ITGB6: variants seen among roughly 807,000 people sequenced by gnomAD.
ITGB6 encodes the protein integrin beta-6.
Under a neutral mutation model 84.5 loss-of-function variants are expected in ITGB6, and 80 were observed. That is an observed-to-expected ratio of 0.95 (90% CI 0.79 to 1.14). The LOEUF (loss-of-function observed/expected upper bound fraction) is 1.14. Ranked by LOEUF, ITGB6 falls within the 50% of genes most tolerant of loss-of-function variation. ITGB6 has a pLI of 0.00. For synonymous variants in ITGB6, 383 were observed against 354.9 expected (o/e 1.08, Z -0.89); for missense variants, 1,006 against 968.0 (o/e 1.04, Z -0.52).
At chr2:160,120,506 G>A (rs1682982968) in intron 12 of ITGB6, among the ~76,000 whole-genome samples, 1 of 39,594 alleles carries the variant, frequency 2.5e-5, no homozygotes, top group Non-Finnish European at 5.5e-5. Context: ...ATCACACTCT[G>A]GGGACTGTGG....
chr2:160,172,799 A>G, intron 5 of ITGB6, 69 bp from the exon 6 acceptor site: 2 of 1,222,058 alleles, frequency 1.6e-6, no homozygotes, highest in Non-Finnish European at 2.4e-6. Flanking sequence ...TGGATCAATT[A>G]TGCTTGGACA....
intron 11 of ITGB6, among the ~76,000 whole-genome samples, chr2:160,125,993 C>T (rs1369660143): frequency 6.6e-6 from 1 of 152,118 alleles, no homozygotes; most frequent in East Asian, 1.9e-4. Context: ...AAGAAAGAAG[C>T]TTGTCTGTTT....
intron 4 of ITGB6, among the ~76,000 whole-genome samples, chr2:160,187,153 C>CT (rs1417939552): frequency 6.6e-6 from 1 of 152,004 alleles, no homozygotes; most frequent in African/African-American, 2.4e-5. Flanking sequence ...CTTCTCAATA[C>CT]TTTAAGATTT....
intron 5 of ITGB6, 25 bp downstream of exon 5, chr2:160,173,949 T>G (rs997405603): frequency 1.3e-6 from 2 of 1,584,720 alleles, no homozygotes; most frequent in African/African-American, 2.7e-5. Context: ...GTTAACAGAG[T>G]GAAACAGCAC....
At chr2:160,171,645 C>T (rs954899499) in intron 6 of ITGB6, among the ~76,000 whole-genome samples, 1 of 152,186 alleles carries the variant, frequency 6.6e-6, no homozygotes, top group African/African-American at 2.4e-5. Flanking sequence ...CTATTTCATA[C>T]ATTAGTTGGC....
At chr2:160,191,611 G>T (rs953261942) in intron 4 of ITGB6, among the ~76,000 whole-genome samples, 7 of 152,158 alleles carry the variant, frequency 4.6e-5, no homozygotes, top group Non-Finnish European at 1.0e-4. Flanking sequence ...TCATGAACAT[G>T]ACTAGATTGT....
At chr2:160,172,108 C>T (rs551837091) in intron 6 of ITGB6, among the ~76,000 whole-genome samples, 147 of 152,196 alleles carry the variant, frequency 9.7e-4, no homozygotes, top group Non-Finnish European at 1.8e-3. Context: ...TTATAAATGA[C>T]AAAAAATAAG....
intron 7 of ITGB6, among the ~76,000 whole-genome samples, chr2:160,168,857 C>G (rs1685099342): frequency 6.6e-6 from 1 of 152,192 alleles, no homozygotes; most frequent in Non-Finnish European, 1.5e-5. Context: ...AAGATTTTCT[C>G]TGTTCTCTGT....
chr2:160,123,748 G>T, intron 12 of ITGB6, 43 bp downstream of exon 12: 1 of 1,478,542 alleles, frequency 6.8e-7, no homozygotes, highest in Non-Finnish European at 9.4e-7. Context: ...CGCCTCTCAA[G>T]AACTACATAA....
intron 10 of ITGB6, among the ~76,000 whole-genome samples, chr2:160,130,243 A>C (rs1683413469): frequency 6.6e-6 from 1 of 152,106 alleles, no homozygotes; most frequent in South Asian, 2.1e-4. Context: ...ATTATGGGAC[A>C]ACTGTTGTAT....
At chr2:160,108,270 T>C (rs1048444186) in intron 13 of ITGB6, among the ~76,000 whole-genome samples, 1 of 145,260 alleles carries the variant, frequency 6.9e-6, no homozygotes, top group Admixed American at 7.0e-5. Context: ...ATGTCATCAG[T>C]TTTTCATGGA....
intron 10 of ITGB6, among the ~76,000 whole-genome samples, chr2:160,132,762 C>A (rs187908854): frequency 9.7e-4 from 147 of 152,204 alleles, no homozygotes; most frequent in Middle Eastern, 3.4e-3. Flanking sequence ...TTACAATAGT[C>A]ATATACAATA....
intron 12 of ITGB6, among the ~76,000 whole-genome samples, chr2:160,120,870 A>T (rs13014009): frequency 0.076 from 10,650 of 140,238 alleles, 427 homozygotes; most frequent in Middle Eastern, 0.15. Flanking sequence ...ATGAGAACAC[A>T]TGGACACAGG....
chr2:160,126,679 CTT>C, intron 10 of ITGB6, 78 bp from the exon 11 acceptor site: 1 of 1,378,070 alleles, frequency 7.3e-7, no homozygotes, highest in Admixed American at 2.0e-5. Flanking sequence ...CATCTTTTCT[CTT>C]TGTCTTTAAG....
intron 12 of ITGB6, among the ~76,000 whole-genome samples, chr2:160,115,493 A>G (rs1238256572): frequency 6.6e-6 from 1 of 152,242 alleles, no homozygotes; most frequent in Non-Finnish European, 1.5e-5. Context: ...AAGGACATCC[A>G]CACCAAAAAC....
intron 14 of ITGB6, among the ~76,000 whole-genome samples, chr2:160,105,488 G>T (rs1415931655): frequency 6.6e-6 from 1 of 152,212 alleles, no homozygotes; most frequent in African/African-American, 2.4e-5. Context: ...CCAAGTGCGT[G>T]TTTGTGGAAC....
chr2:160,139,311 CTTCAAAT>C lies in ITGB6; in HGVS notation c.1108-1119_1108-1113del, dbSNP rs1258408361. 2.0e-5 allele frequency among the ~76,000 whole-genome samples: 3 copies of C among 152,098 alleles called. No individual in the cohort carries two copies. The East Asian group carries it at 5.8e-4, about 29-fold the overall frequency. ...GTTGGCATTTAAAAAGCATATTCGG[CTTCAAAT>C]TTCCCTTAAGTGTAATTTTTTAAAA... On this transcript the variant is annotated intron_variant, in intron 8 of 14. Transcript: ENST00000283249.
At chr2:160,151,007 G>C (rs1684393371) in intron 7 of ITGB6, among the ~76,000 whole-genome samples, 1 of 151,014 alleles carries the variant, frequency 6.6e-6, no homozygotes, top group African/African-American at 2.4e-5. Flanking sequence ...ATAATAATGA[G>C]AGACACTGTC....
chr2:160,157,837 G>A (rs1310126348), intron 7 of ITGB6, among the ~76,000 whole-genome samples: 1 of 151,070 alleles, frequency 6.6e-6, no homozygotes, highest in African/African-American at 2.4e-5. Context: ...GCAAAACCTC[G>A]CTTTTATGGA....
Sources: allele counts gnomAD v4.1 joint callset (sites outside exome capture counted in the v4.1 genomes callset), GRCh38; gene constraint gnomAD v4.1.1; transcripts MANE v1.5; gene names NCBI Gene and HGNC (gene_info 2026-07-23, HGNC 2026-07-21).